Variants in PLXNA4 observed in about 807,000 individuals in gnomAD.
The protein encoded by PLXNA4 is plexin A4.
Under a neutral mutation model 191.8 loss-of-function variants are expected in PLXNA4, and 44 were observed. The observed-to-expected ratio is 0.23, with a 90% CI of 0.18 to 0.29. The LOEUF (loss-of-function observed/expected upper bound fraction) is 0.29. PLXNA4 is among the 10% of genes least tolerant of loss of function. The pLI, the probability that PLXNA4 is intolerant of heterozygous loss-of-function variation, is 1.00. For synonymous variants in PLXNA4, 1,082 were observed against 1,009.5 expected (o/e 1.07, Z -1.36); for missense variants, 1,800 against 2,488.8 (o/e 0.72, Z 5.89).
At chr7:132,172,206 T>C (rs1423885442) in intron 21 of PLXNA4, among the ~76,000 whole-genome samples, 4 of 152,198 alleles carry the variant, frequency 2.6e-5, no homozygotes, top group African/African-American at 9.6e-5. Context: ...TCTAATTTAG[T>C]TGAAGTCTGT....
At chr7:132,470,285 A>G (rs156934) in intron 3 of PLXNA4, among the ~76,000 whole-genome samples, 151,367 of 152,318 alleles carry the variant, frequency 0.99, 75,219 homozygotes, top group Middle Eastern at 1. Context: ...TCCTCACCCC[A>G]TCTGGCTTGG....
At chr7:132,472,438 T>A (rs1009928902) in intron 3 of PLXNA4, among the ~76,000 whole-genome samples, 1 of 152,162 alleles carries the variant, frequency 6.6e-6, no homozygotes, top group African/African-American at 2.4e-5. Flanking sequence ...TGGGCACAAA[T>A]GCAAATCTTT....
At chr7:132,303,548 G>A (rs1023605109) in intron 3 of PLXNA4, among the ~76,000 whole-genome samples, 5 of 152,088 alleles carry the variant, frequency 3.3e-5, no homozygotes, top group Admixed American at 6.5e-5. Context: ...CAGCCTGGGC[G>A]ACAGAGCAAG....
At chr7:132,562,095 TTTCTCCTCCTCCTCCTTCTCTCC>T (rs1563173546) in intron 1 of PLXNA4, among the ~76,000 whole-genome samples, 13 of 77,894 alleles carry the variant, frequency 1.7e-4, no homozygotes, top group African/African-American at 8.1e-4. Flanking sequence ...TCCCTCCTCC[TTTCTCCTCCTCCTCCTTCTCTCC>T]TTCTCCTCCT....
chr7:132,164,297 G>A lies in PLXNA4; in HGVS notation c.4354-9C>T. The A allele has an allele frequency of 2.5e-6, 4 of 1,613,488 alleles. No individual in the cohort carries two copies. Among genetic ancestry groups the A allele is most frequent in the Non-Finnish European group, 3.4e-6 (4 of 1,179,510 alleles). On this transcript the variant is annotated splice_polypyrimidine_tract_variant and intron_variant, in intron 23 of 31. Transcript: ENST00000321063. Reference sequence around the variant, plus strand: ...GGCTCCCCAGCACACTCCTGGAGGTGAGAAGAACGTCATTAGGAGGAGCTC... The same window carrying A: ...GGCTCCCCAGCACACTCCTGGAGGTAAGAAGAACGTCATTAGGAGGAGCTC...
At chr7:132,453,606 A>G (rs1012107564) in intron 3 of PLXNA4, among the ~76,000 whole-genome samples, 1 of 151,900 alleles carries the variant, frequency 6.6e-6, no homozygotes, top group African/African-American at 2.4e-5. Flanking sequence ...CAGTGGCGCA[A>G]TCTCGGCTCA....
chr7:132,243,943 C>G (rs1303717385), intron 4 of PLXNA4, among the ~76,000 whole-genome samples: 1 of 152,136 alleles, frequency 6.6e-6, no homozygotes, highest in East Asian at 1.9e-4. Flanking sequence ...CCTCCTTGAG[C>G]TATGATATTT....
chr7:132,134,996 A>T (rs1795071997), intron 30 of PLXNA4, among the ~76,000 whole-genome samples: 1 of 152,170 alleles, frequency 6.6e-6, no homozygotes, highest in South Asian at 2.1e-4. Flanking sequence ...AATTGCAGCG[A>T]GACTTGATTC....
At chr7:132,337,864 G>A (rs1235138276) in intron 3 of PLXNA4, among the ~76,000 whole-genome samples, 2 of 152,226 alleles carry the variant, frequency 1.3e-5, no homozygotes, top group Non-Finnish European at 1.5e-5. Flanking sequence ...ACTCCCAGTA[G>A]CTGGGTGAGT....
At chr7:132,292,339 G>A (rs1433349609) in intron 4 of PLXNA4, among the ~76,000 whole-genome samples, 1 of 152,180 alleles carries the variant, frequency 6.6e-6, no homozygotes, top group East Asian at 1.9e-4. Flanking sequence ...GACAAGAAGG[G>A]ATGAAAGAGT....
intron 3 of PLXNA4, among the ~76,000 whole-genome samples, chr7:132,468,198 G>A (rs535372035): frequency 5.9e-5 from 9 of 152,026 alleles, no homozygotes; most frequent in Non-Finnish European, 1.2e-4. Flanking sequence ...TAGACAAATC[G>A]TACATTCAAA....
intron 3 of PLXNA4, chr7:132,384,341 T>C (rs538208395): frequency 8.1e-5 from 80 of 985,360 alleles, no homozygotes; most frequent in Non-Finnish European, 9.4e-5. Context: ...CTACACTTTA[T>C]TTCCCAGTAA....
At chr7:132,425,931 C>T (rs1795026701) in intron 3 of PLXNA4, among the ~76,000 whole-genome samples, 1 of 152,210 alleles carries the variant, frequency 6.6e-6, no homozygotes, top group East Asian at 1.9e-4. Flanking sequence ...TGCCCAGGCT[C>T]CCTGACCCTG....
rs115643067 is a variant in PLXNA4, at chr7:132,635,691, C to A, written c.-87+10237G>T. 5.5e-3 allele frequency among the ~76,000 whole-genome samples: 835 copies of A among 152,236 alleles called. 5 individuals are homozygous for A. The highest frequency in any genetic ancestry group is 0.018 in the African/African-American group (740 of 41,526). Reference sequence around the variant, plus strand: ...ATGCCTCTGTCAGGCTGGCCTCAAACCCCCAACGAACCACGGAAGATGCAA... The same window carrying A: ...ATGCCTCTGTCAGGCTGGCCTCAAAACCCCAACGAACCACGGAAGATGCAA... On this transcript the variant is annotated intron_variant, in intron 2 of 4. Transcript: ENST00000378539.
At position 132,179,846 on chromosome 7, in the gene PLXNA4, T is replaced by C; in HGVS notation, c.3715A>G (p.Ile1239Val). 2 of 1,613,618 alleles carry C rather than the reference T, an allele frequency of 1.2e-6. No individual in the cohort carries two copies. Among genetic ancestry groups the C allele is most frequent in the African/African-American group, 1.3e-5 (1 of 75,062 alleles). ...APDSPLSLPA[I>V]VSIAVAGGLL... ...CCGCCAGCCACTGCGATGCTGACGA[T>C]GGCGGGCAGGCTGAGCGGGCTGTCC... The change falls in exon 20 of 32, where the codon ATC becomes GTC. Residue 1239 changes from isoleucine (I) to valine (V), a missense_variant. Physicochemically the swap from Ile to Val is conservative, Grantham distance 29. Transcript: ENST00000321063.
At chr7:132,439,444 C>T (rs1209319116) in intron 3 of PLXNA4, among the ~76,000 whole-genome samples, 1 of 152,128 alleles carries the variant, frequency 6.6e-6, no homozygotes, top group African/African-American at 2.4e-5. Context: ...TATACAAATA[C>T]ACAATATATC....
chr7:132,152,702 A>G (rs1795680908), intron 25 of PLXNA4, among the ~76,000 whole-genome samples: 1 of 152,204 alleles, frequency 6.6e-6, no homozygotes, highest in Non-Finnish European at 1.5e-5. Flanking sequence ...CCTCTTGGGC[A>G]TTTTTTGCCT....
At chr7:132,216,525 A>G (rs951982694) in intron 9 of PLXNA4, among the ~76,000 whole-genome samples, 2 of 152,208 alleles carry the variant, frequency 1.3e-5, no homozygotes, top group Non-Finnish European at 2.9e-5. Flanking sequence ...CAGTTGAGCA[A>G]CTGGCTCTGA....
At chr7:132,498,234 C>A (rs1000998515) in intron 2 of PLXNA4, among the ~76,000 whole-genome samples, 3 of 152,052 alleles carry the variant, frequency 2.0e-5, no homozygotes, top group East Asian at 1.9e-4. Flanking sequence ...TTTTACTGTG[C>A]CTAACTGATA....
Sources: allele counts gnomAD v4.1 joint callset (sites outside exome capture counted in the v4.1 genomes callset), GRCh38; gene constraint gnomAD v4.1.1; transcripts MANE v1.5; gene names NCBI Gene and HGNC (gene_info 2026-07-23, HGNC 2026-07-21).